WWOX: variants seen among roughly 807,000 people sequenced by gnomAD.
WWOX encodes the protein WW domain-containing oxidoreductase.
WWOX carries 69 observed loss-of-function variants against 46.2 expected under a neutral mutation model. The observed-to-expected ratio is 1.49, with a 90% CI of 1.23 to 1.82. The LOEUF (loss-of-function observed/expected upper bound fraction) is 1.82, where lower values mean the gene tolerates loss of function less well. WWOX is among the 40% of genes most tolerant of loss of function. WWOX has a pLI of 0.00. For synonymous variants in WWOX, 359 were observed against 202.6 expected, an observed-to-expected ratio of 1.77 and a Z score of -6.56; for missense variants, 919 against 542.6, an observed-to-expected ratio of 1.69 and a Z score of -6.89.
chr16:79,179,936 A>C (rs899176780), intron 8 of WWOX, among the ~76,000 whole-genome samples: 8 of 152,246 alleles, frequency 5.3e-5, no homozygotes, highest in African/African-American at 1.7e-4. Flanking sequence ...CCAAGGACAC[A>C]CAGGTGATGA....
At chr16:78,877,224 A>G (rs992869417) in intron 8 of WWOX, among the ~76,000 whole-genome samples, 3 of 152,282 alleles carry the variant, frequency 2.0e-5, no homozygotes, top group African/African-American at 7.2e-5. Flanking sequence ...CAGGCTGATT[A>G]AAAGGCAAAA....
intron 8 of WWOX, among the ~76,000 whole-genome samples, chr16:79,048,098 A>T (rs886330995): frequency 1.3e-5 from 2 of 152,170 alleles, no homozygotes; most frequent in South Asian, 4.1e-4. Context: ...ATACAGGGCA[A>T]TGGGCCTCAG....
At chr16:78,677,503 T>C (rs893589246) in intron 8 of WWOX, among the ~76,000 whole-genome samples, 5 of 152,202 alleles carry the variant, frequency 3.3e-5, no homozygotes, top group African/African-American at 1.2e-4. Flanking sequence ...ATCCTGAGCC[T>C]GTTCTGTGGT....
At chr16:79,087,178 G>A (rs866441865) in intron 8 of WWOX, among the ~76,000 whole-genome samples, 1 of 152,168 alleles carries the variant, frequency 6.6e-6, no homozygotes, top group Non-Finnish European at 1.5e-5. Context: ...GGAACAGTCT[G>A]GGGGAAATGC....
At chr16:78,814,199 C>G (rs963775881) in intron 8 of WWOX, among the ~76,000 whole-genome samples, 1 of 152,154 alleles carries the variant, frequency 6.6e-6, no homozygotes, top group Non-Finnish European at 1.5e-5. Context: ...ATAATTCTGT[C>G]TTCTAGAGAA....
chr16:78,308,295 C>T (rs1331230949), intron 5 of WWOX, among the ~76,000 whole-genome samples: 1 of 152,152 alleles, frequency 6.6e-6, no homozygotes, highest in African/African-American at 2.4e-5. Flanking sequence ...TGAATGGATC[C>T]CTGCCTCTGG....
At chr16:78,851,060 G>C (rs1318994524) in intron 8 of WWOX, among the ~76,000 whole-genome samples, 3 of 152,166 alleles carry the variant, frequency 2.0e-5, no homozygotes, top group Non-Finnish European at 4.4e-5. Flanking sequence ...AAGAGGGTAG[G>C]TGTGGACAGT....
At chr16:78,450,634 TTAATA>T (rs1567580726) in intron 8 of WWOX, among the ~76,000 whole-genome samples, 2 of 152,244 alleles carry the variant, frequency 1.3e-5, no homozygotes, top group African/African-American at 2.4e-5. Context: ...TTTTGATATT[TTAATA>T]TTTCTAGGCA....
chr16:78,188,594 T>A (rs1452511300), intron 5 of WWOX, among the ~76,000 whole-genome samples: 3 of 151,974 alleles, frequency 2.0e-5, no homozygotes, highest in Admixed American at 6.5e-5. Context: ...AATCCCAGAA[T>A]AGTAGGACCA....
Position 78,811,169 on chromosome 16 carries a change from A to T in WWOX, c.1056+378417A>T, listed in dbSNP as rs115998714. On this transcript the variant is annotated intron_variant, in intron 8 of 8. Coordinates refer to ENST00000566780, the MANE Select transcript of WWOX (RefSeq NM_016373.4). ...ACTTTGGTAATTCAGTATCCGAAAAACAATCAGTGTTTTGTGACATTCTTA... is the reference window on the plus strand; with the variant it reads ...ACTTTGGTAATTCAGTATCCGAAAATCAATCAGTGTTTTGTGACATTCTTA... Among the ~76,000 whole-genome samples the T allele has an allele frequency of 4.2e-3, 637 of 152,296 alleles. 4 individuals carry two copies. Among genetic ancestry groups the T allele is most frequent in the African/African-American group, 0.014 (600 of 41,556 alleles).
At chr16:79,037,523 A>C (rs549969892) in intron 8 of WWOX, among the ~76,000 whole-genome samples, 61 of 152,200 alleles carry the variant, frequency 4.0e-4, no homozygotes, top group African/African-American at 1.4e-3. Context: ...CACCTTCCCA[A>C]AGTCACACTG....
At chr16:78,331,710 C>G (rs1452574139) in intron 5 of WWOX, among the ~76,000 whole-genome samples, 1 of 152,108 alleles carries the variant, frequency 6.6e-6, no homozygotes, top group African/African-American at 2.4e-5. Flanking sequence ...TCCTGATACA[C>G]ACATTCTTAA....
At chr16:79,104,957 G>A (rs2049278263) in intron 8 of WWOX, among the ~76,000 whole-genome samples, 1 of 152,164 alleles carries the variant, frequency 6.6e-6, no homozygotes, top group African/African-American at 2.4e-5. Context: ...GGGGTCAGGG[G>A]GAGGGTGCAC....
chr16:78,804,603 G>T (rs182163700), intron 8 of WWOX, among the ~76,000 whole-genome samples: 3 of 152,336 alleles, frequency 2.0e-5, no homozygotes, highest in African/African-American at 4.8e-5. Flanking sequence ...CTTACACGTA[G>T]CTCAAAATGT....
At chr16:78,707,464 A>C (rs772559626) in intron 8 of WWOX, among the ~76,000 whole-genome samples, 1 of 152,210 alleles carries the variant, frequency 6.6e-6, no homozygotes, top group African/African-American at 2.4e-5. Flanking sequence ...TAGTTGGTAT[A>C]GCTTCCTTCT....
At chr16:78,990,690 A>G (rs1422174506) in intron 8 of WWOX, among the ~76,000 whole-genome samples, 1 of 152,120 alleles carries the variant, frequency 6.6e-6, no homozygotes, top group Admixed American at 6.5e-5. Flanking sequence ...AGAAGCACAT[A>G]GAGGAAAGAA....
intron 8 of WWOX, among the ~76,000 whole-genome samples, chr16:78,734,048 A>G (rs1031384209): frequency 6.6e-5 from 10 of 151,732 alleles, no homozygotes; most frequent in African/African-American, 2.2e-4. Context: ...TGATAAAGTA[A>G]GATCCTGTCT....
rs372941223 is a variant in WWOX, at chr16:78,102,032, C to A, written c.107+2147C>A. On this transcript the variant is annotated intron_variant, in intron 1 of 8. Coordinates refer to ENST00000566780, the MANE Select transcript of WWOX (RefSeq NM_016373.4). ...ACTTCCTGGGCTCAAGCGATCCTCC[C>A]GCATCAGCCTGTTGAGTACCCGGGA... Among the ~76,000 whole-genome samples the A allele has an allele frequency of 2.6e-5, 4 of 152,166 alleles. No homozygotes were observed. In the East Asian group the frequency reaches 5.8e-4, roughly 22 times the overall value.
intron 8 of WWOX, among the ~76,000 whole-genome samples, chr16:78,801,759 G>C (rs1242850017): frequency 2.0e-5 from 3 of 152,286 alleles, no homozygotes; most frequent in Admixed American, 6.5e-5. Context: ...TATATGGATT[G>C]ATGACATTTC....
Sources: allele counts gnomAD v4.1 joint callset (sites outside exome capture counted in the v4.1 genomes callset), GRCh38; gene constraint gnomAD v4.1.1; transcripts MANE v1.5; gene names NCBI Gene and HGNC (gene_info 2026-07-23, HGNC 2026-07-21).